The following ZCCHC7 variants were observed in gnomAD, a reference collection of about 807,000 sequenced individuals.
The protein encoded by ZCCHC7 is zinc finger CCHC domain-containing protein 7.
Under a neutral mutation model 52.0 loss-of-function variants are expected in ZCCHC7, and 35 were observed. The observed-to-expected ratio is 0.67, with a 90% CI of 0.51 to 0.89. The LOEUF is 0.89. ZCCHC7 is among the 40% of genes least tolerant of loss of function. The probability of loss-of-function intolerance (pLI) is 0.00; values close to 1 mark genes in which losing one functional copy is unlikely to be tolerated. For missense variants in ZCCHC7, 574 were observed against 649.1 expected, an observed-to-expected ratio of 0.88 and a Z score of 1.26; for synonymous variants, 217 against 221.5, an observed-to-expected ratio of 0.98 and a Z score of 0.18.
At chr9:37,150,007 C>T (rs182689143) in intron 2 of ZCCHC7, among the ~76,000 whole-genome samples, 2 of 152,278 alleles carry the variant, frequency 1.3e-5, no homozygotes, top group Admixed American at 1.3e-4. Context: ...CCTTTAATGG[C>T]AGTTTTTCAT....
At chr9:37,266,899 A>G (rs960329600) in intron 2 of ZCCHC7, among the ~76,000 whole-genome samples, 1 of 152,180 alleles carries the variant, frequency 6.6e-6, no homozygotes, top group Non-Finnish European at 1.5e-5. Flanking sequence ...ACAGTGATGT[A>G]TATGTTATAC....
intron 2 of ZCCHC7, among the ~76,000 whole-genome samples, chr9:37,208,391 A>C (rs7042957): frequency 0.59 from 89,712 of 151,992 alleles, 27,399 homozygotes; most frequent in African/African-American, 0.75. Context: ...CGGCCTATTA[A>C]AGCTTCTGAA....
At chr9:37,291,494 T>A (rs1319111983) in intron 2 of ZCCHC7, among the ~76,000 whole-genome samples, 1 of 152,202 alleles carries the variant, frequency 6.6e-6, no homozygotes, top group Non-Finnish European at 1.5e-5. Context: ...TTTATGATAT[T>A]TGTGCATCTA....
At chr9:37,195,870 T>G (rs1284490798) in intron 2 of ZCCHC7, among the ~76,000 whole-genome samples, 3 of 152,010 alleles carry the variant, frequency 2.0e-5, no homozygotes, top group African/African-American at 7.3e-5. Flanking sequence ...GAAATTAGAG[T>G]CACCACGATT....
chr9:37,212,060 A>G (rs1343137530), intron 2 of ZCCHC7, among the ~76,000 whole-genome samples: 2 of 145,686 alleles, frequency 1.4e-5, no homozygotes, highest in African/African-American at 5.1e-5. Flanking sequence ...AAAAAAAAAA[A>G]AAAAAGAAAA....
intron 2 of ZCCHC7, among the ~76,000 whole-genome samples, chr9:37,277,712 G>C (rs898942677): frequency 6.6e-6 from 1 of 152,142 alleles, no homozygotes; most frequent in African/African-American, 2.4e-5. Context: ...GAAAATAGAG[G>C]CTACTATAGC....
At chr9:37,234,747 T>C (rs1027604825) in intron 2 of ZCCHC7, among the ~76,000 whole-genome samples, 4 of 152,222 alleles carry the variant, frequency 2.6e-5, no homozygotes, top group African/African-American at 9.6e-5. Context: ...AAAATAATTT[T>C]AAATAGTCTT....
At chr9:37,356,343 G>A (rs1441141012) in intron 8 of ZCCHC7, among the ~76,000 whole-genome samples, 1 of 152,214 alleles carries the variant, frequency 6.6e-6, no homozygotes, top group Admixed American at 6.5e-5. Flanking sequence ...ACTCCTCAAA[G>A]CCAGTGATCT....
At chr9:37,201,120 G>C (rs2133162658) in intron 2 of ZCCHC7, among the ~76,000 whole-genome samples, 1 of 152,310 alleles carries the variant, frequency 6.6e-6, no homozygotes, top group South Asian at 2.1e-4. Flanking sequence ...ATATTAGTGA[G>C]AGTCTAGTTT....
intron 2 of ZCCHC7, chr9:37,160,037 A>C (rs1821010593): frequency 1.3e-5 from 2 of 152,154 alleles, no homozygotes; most frequent in Admixed American, 1.3e-4. Flanking sequence ...TCAAACTACC[A>C]CTGTGTTACC....
At chr9:37,275,101 A>T (rs1448980965) in intron 2 of ZCCHC7, among the ~76,000 whole-genome samples, 3 of 152,230 alleles carry the variant, frequency 2.0e-5, no homozygotes, top group Non-Finnish European at 4.4e-5. Context: ...TTTGATAAAT[A>T]GTTACATAGC....
intron 2 of ZCCHC7, among the ~76,000 whole-genome samples, chr9:37,149,555 C>T (rs1373992349): frequency 7.2e-5 from 11 of 152,022 alleles, no homozygotes; most frequent in Admixed American, 6.6e-4. Flanking sequence ...CTAGGAATTA[C>T]TATTCTTACT....
At chr9:37,340,527 T>A (rs1344260189) in intron 6 of ZCCHC7, among the ~76,000 whole-genome samples, 1 of 152,184 alleles carries the variant, frequency 6.6e-6, no homozygotes, top group Non-Finnish European at 1.5e-5. Flanking sequence ...CTACATTCAT[T>A]GCCTTGCATT....
At chr9:37,131,834 A>G (rs936859710) in intron 2 of ZCCHC7, among the ~76,000 whole-genome samples, 3 of 152,088 alleles carry the variant, frequency 2.0e-5, no homozygotes, top group Admixed American at 6.6e-5. Context: ...TATATACGTG[A>G]CACTTAACAG....
At chr9:37,232,022 A>C (rs190955875) in intron 2 of ZCCHC7, among the ~76,000 whole-genome samples, 2 of 152,280 alleles carry the variant, frequency 1.3e-5, no homozygotes, top group Admixed American at 6.5e-5. Flanking sequence ...GTATTGTGTT[A>C]ATAGTTATTT....
At chr9:37,290,842 A>G (rs1432703365) in intron 2 of ZCCHC7, among the ~76,000 whole-genome samples, 2 of 152,162 alleles carry the variant, frequency 1.3e-5, no homozygotes, top group African/African-American at 2.4e-5. Flanking sequence ...TTGAAAAACT[A>G]TACTGTTTCA....
intron 2 of ZCCHC7, among the ~76,000 whole-genome samples, chr9:37,191,225 A>T (rs1215288903): frequency 6.6e-6 from 1 of 152,086 alleles, no homozygotes; most frequent in Non-Finnish European, 1.5e-5. Flanking sequence ...CCTTAGTTTT[A>T]TGTCTTTTCT....
At chr9:37,282,604 C>G (rs1300675147) in intron 2 of ZCCHC7, among the ~76,000 whole-genome samples, 1 of 52,546 alleles carries the variant, frequency 1.9e-5, no homozygotes, top group African/African-American at 7.9e-5. Context: ...GACTCTGTCT[C>G]AAAAAAAAAA....
At chr9:37,262,444 TTATAC>T (rs1399041167) in intron 2 of ZCCHC7, among the ~76,000 whole-genome samples, 2 of 152,202 alleles carry the variant, frequency 1.3e-5, no homozygotes, top group African/African-American at 4.8e-5. Context: ...TTGCAATAAC[TTATAC>T]TATTATACTT....
Sources: gnomAD v4.1 joint callset for allele counts (sites outside exome capture counted in the v4.1 genomes callset) on GRCh38, gnomAD v4.1.1 for gene constraint, MANE v1.5 for transcripts, NCBI Gene and HGNC (gene_info 2026-07-23, HGNC 2026-07-21) for gene names.